The following IGSF10 variants were observed in gnomAD, a reference collection of about 807,000 sequenced individuals.
The protein encoded by IGSF10 is immunoglobulin superfamily member 10.
Under a neutral mutation model 128.2 loss-of-function variants are expected in IGSF10, and 126 were observed. The ratio of observed to expected loss-of-function variants is 0.98; its 90% CI spans 0.85 to 1.14. IGSF10 has a LOEUF of 1.14. IGSF10 is among the 50% of genes most tolerant of loss of function. The probability of loss-of-function intolerance (pLI) is 0.00; values close to 1 mark genes in which losing one functional copy is unlikely to be tolerated. For missense variants in IGSF10, 3,295 were observed against 3,149.8 expected (o/e 1.05, Z -1.10); for synonymous variants, 1,185 against 1,146.2 (o/e 1.03, Z -0.68).
the IGSF10 span, among the ~76,000 whole-genome samples, chr3:151,505,068 TTTTGGGTATCCCTA>T: frequency 4.6e-5 from 7 of 152,312 alleles, no homozygotes; most frequent in Non-Finnish European, 8.8e-5. Flanking sequence ...GCTTCCACAT[TTTTGGGTATCCCTA>T]TAGTAGCACC....
Position 151,446,950 on chromosome 3 carries a change from C to G in IGSF10, c.3031G>C (p.Gly1011Arg). Residue 1011 changes from glycine (G) to arginine (R), a missense_variant, in exon 6 of 8, where the codon GGG becomes CGG. Physicochemically the swap from Gly to Arg is moderately radical, Grantham distance 125 (BLOSUM62 -2). Coordinates refer to ENST00000282466, the MANE Select transcript of IGSF10 (RefSeq NM_178822.5). ...TVNIPLFRRF[G>R]RQRKIGGRGR... ...CTTCCGCCAATTTTCCTCTGCCTCC[C>G]AAAGCGTCTGAACAGCGGGATGTTA... 1 of 1,614,182 alleles carries G rather than the reference C, an allele frequency of 6.2e-7. No individual in the cohort carries two copies. The highest frequency in any genetic ancestry group is 8.5e-7 in the Non-Finnish European group (1 of 1,180,034).
chr3:151,435,576 T>G (rs1720059137), downstream of IGSF10: 1 of 152,122 alleles, frequency 6.6e-6, no homozygotes, highest in South Asian at 2.1e-4. Context: ...CACTGAGATA[T>G]CTAAGACCTA....
At chr3:151,470,433 T>A in the IGSF10 span, among the ~76,000 whole-genome samples, 2 of 152,202 alleles carry the variant, frequency 1.3e-5, no homozygotes, top group African/African-American at 4.8e-5. Flanking sequence ...ACTTGCAGGA[T>A]GTTGCAGATT....
chr3:151,483,274 T>C, the IGSF10 span, among the ~76,000 whole-genome samples: 7 of 152,020 alleles, frequency 4.6e-5, no homozygotes, highest in African/African-American at 1.7e-4. Context: ...CATAAAAAGA[T>C]GTAAATTATG....
chr3:151,441,200 T>C (rs1720829161), intron 7 of IGSF10, among the ~76,000 whole-genome samples: 1 of 152,326 alleles, frequency 6.6e-6, no homozygotes, highest in East Asian at 1.9e-4. Context: ...CAACTGGAGA[T>C]TGTGACATAT....
chr3:151,589,231 A>C, the IGSF10 span, among the ~76,000 whole-genome samples: 1 of 152,152 alleles, frequency 6.6e-6, no homozygotes, highest in Admixed American at 6.5e-5. Flanking sequence ...AGAGTTAGAG[A>C]TCATTTAAAA....
intron 5 of IGSF10, among the ~76,000 whole-genome samples, chr3:151,449,528 T>C (rs1721409591): frequency 6.6e-6 from 1 of 152,238 alleles, no homozygotes; most frequent in African/African-American, 2.4e-5. Flanking sequence ...ATGCCTGATA[T>C]ATATTTGGTA....
chr3:151,532,749 C>G, the IGSF10 span, among the ~76,000 whole-genome samples: 1 of 152,170 alleles, frequency 6.6e-6, no homozygotes, highest in Non-Finnish European at 1.5e-5. Flanking sequence ...GAAGCATTCC[C>G]TTTGAAAACC....
chr3:151,576,760 G>A, the IGSF10 span, among the ~76,000 whole-genome samples: 3 of 152,168 alleles, frequency 2.0e-5, no homozygotes, highest in South Asian at 4.1e-4. Context: ...CCATGCTCAT[G>A]TGGGAAGTTA....
intron 4 of IGSF10, among the ~76,000 whole-genome samples, chr3:151,455,341 A>T (rs1458148571): frequency 9.2e-6 from 1 of 108,918 alleles, no homozygotes; most frequent in Non-Finnish European, 1.9e-5. Context: ...TGAACTCCCA[A>T]CCTCAGGTGA....
At chr3:151,434,260 A>AT (rs917822176), downstream of IGSF10, 4 of 152,252 alleles carry the variant, frequency 2.6e-5, no homozygotes, top group African/African-American at 9.6e-5. Context: ...TTTAGTAGAC[A>AT]TTTTCTTTTG....
downstream of IGSF10, chr3:151,435,548 G>C (rs1002128091): frequency 3.9e-5 from 6 of 152,080 alleles, no homozygotes; most frequent in African/African-American, 1.4e-4. Flanking sequence ...TAACTTATTA[G>C]TAATTCTCGG....
At chr3:151,509,206 T>G in the IGSF10 span, among the ~76,000 whole-genome samples, 1 of 152,206 alleles carries the variant, frequency 6.6e-6, no homozygotes, top group Non-Finnish European at 1.5e-5. Flanking sequence ...TTTATTAAAC[T>G]GCTAACCAAG....
chr3:151,489,775 A>G, the IGSF10 span, among the ~76,000 whole-genome samples: 17 of 152,144 alleles, frequency 1.1e-4, no homozygotes, highest in Non-Finnish European at 5.9e-5. Flanking sequence ...GAATAATAAG[A>G]ACACATGGAC....
chr3:151,455,891 C>T (rs1368936911), intron 4 of IGSF10, among the ~76,000 whole-genome samples: 1 of 152,202 alleles, frequency 6.6e-6, no homozygotes. Context: ...CTAGTAAACA[C>T]CATTTCTCAT....
chr3:151,519,708 A>C, the IGSF10 span, among the ~76,000 whole-genome samples: 1 of 151,846 alleles, frequency 6.6e-6, no homozygotes, highest in Admixed American at 6.6e-5. Flanking sequence ...TAAAGCAATG[A>C]ATTCTTACTT....
the IGSF10 span, among the ~76,000 whole-genome samples, chr3:151,588,260 C>G: frequency 6.6e-6 from 1 of 152,106 alleles, no homozygotes; most frequent in Admixed American, 6.5e-5. Flanking sequence ...GAATTCACTT[C>G]TTCTGCTGGG....
Position 151,436,523 on chromosome 3 carries a change from T to C in IGSF10, c.*166A>G. On this transcript the variant is annotated 3_prime_UTR_variant, in exon 8 of 8. Transcript: ENST00000282466. ...AGATCCATTAAATAAATCAGTATCA[T>C]CAGTTCATAATGCATTTATTTACAA... is the stretch of plus-strand genomic sequence containing the variant. 3.7e-6 allele frequency: 2 copies of C among 541,914 alleles called. No homozygotes were observed. Among genetic ancestry groups the C allele is most frequent in the Non-Finnish European group, 6.4e-6 (2 of 313,856 alleles). 33.6% of individuals were successfully genotyped at this position (541,914 alleles called of 1,614,324 possible).
chr3:151,526,909 C>T, the IGSF10 span, among the ~76,000 whole-genome samples: 1 of 152,148 alleles, frequency 6.6e-6, no homozygotes, highest in Non-Finnish European at 1.5e-5. Flanking sequence ...CTGTGGCCAC[C>T]AGCTTGATCT....
Sources: allele counts gnomAD v4.1 joint callset (sites outside exome capture counted in the v4.1 genomes callset), GRCh38; gene constraint gnomAD v4.1.1; transcripts MANE v1.5; gene names NCBI Gene and HGNC (gene_info 2026-07-23, HGNC 2026-07-21).